COG6: variants seen among roughly 807,000 people sequenced by gnomAD.
COG6 encodes the protein conserved oligomeric Golgi complex subunit 6.
In COG6, 74 loss-of-function variants were observed where a neutral mutation model predicts 88.8. The observed-to-expected ratio is 0.83, with a 90% confidence interval of 0.69 to 1.01. The LOEUF is 1.01. Among genes scored for constraint, COG6 ranks in the 50% least tolerant of loss-of-function variants. COG6 has a pLI of 0.00. For missense variants in COG6, 800 were observed against 797.9 expected, an observed-to-expected ratio of 1.00 and a Z score of -0.03; for synonymous variants, 286 against 278.7, an observed-to-expected ratio of 1.03 and a Z score of -0.26.
intron 10 of COG6, among the ~76,000 whole-genome samples, chr13:39,688,593 A>G (rs191372331): frequency 5.0e-4 from 76 of 152,260 alleles, no homozygotes; most frequent in Admixed American, 5.0e-3. Flanking sequence ...CCATAGCCCA[A>G]ACATCTCCCA....
rs754093105 is a variant in COG6, at chr13:39,655,685, T to C, written c.-42T>C. The C allele has an allele frequency of 3.7e-5, 57 of 1,555,418 alleles. No homozygotes were observed. The highest frequency in any genetic ancestry group is 4.3e-5 in the Non-Finnish European group (49 of 1,150,392). ...ATACTCGCGCTGCCTCCGTGGTCCC[T>C]GCCTGGCTGAGGTGGCAGCAGGGGG... On this transcript the variant is annotated 5_prime_UTR_variant, in exon 1 of 19. Transcript: ENST00000455146.
intron 18 of COG6, among the ~76,000 whole-genome samples, chr13:39,775,343 T>C (rs1033396713): frequency 6.6e-6 from 1 of 152,232 alleles, no homozygotes; most frequent in Non-Finnish European, 1.5e-5. Flanking sequence ...ATGTTAGCTC[T>C]TCTTATTTTC....
chr13:39,776,511 G>A (rs1881467938), intron 18 of COG6, among the ~76,000 whole-genome samples: 1 of 152,150 alleles, frequency 6.6e-6, no homozygotes. Flanking sequence ...CCCCTTGCCT[G>A]GTAACGTTAA....
Position 39,765,556 on chromosome 13 carries a change from TTAAGCAAG to T in COG6, c.1827-22776_1827-22769del, listed in dbSNP as rs1431162184. 6.6e-5 allele frequency among the ~76,000 whole-genome samples: 10 copies of T among 152,346 alleles called. No homozygotes were observed. In the East Asian group the frequency reaches 1.9e-3, roughly 29 times the overall value. The stretch of plus-strand genomic sequence containing the variant: ...ATGGTACTCAATCACATTAACAAGT[TTAAGCAAG>T]TATGTCAGATTGATTTCCAGCTTTT... On this transcript the variant is annotated intron_variant, in intron 18 of 18. Coordinates refer to the COG6 transcript ENST00000416691.
rs764834569 is a variant in COG6 at position 39,689,749 on chromosome 13, A to C, written c.1010-11A>C. The C allele has an allele frequency of 1.3e-6, 2 of 1,587,742 alleles. No individual in the cohort carries two copies. The highest frequency in any genetic ancestry group is 8.6e-7 in the Non-Finnish European group (1 of 1,158,112). On this transcript the variant is annotated splice_polypyrimidine_tract_variant and intron_variant, in intron 10 of 18. Transcript: ENST00000455146. ...GGAAACAAATATTAATTATGTAGTC[A>C]TTAATTTTAGGTGTTGAAGAAAATA...
chr13:39,690,808 A>T (rs950716859), intron 11 of COG6, among the ~76,000 whole-genome samples: 4 of 151,864 alleles, frequency 2.6e-5, no homozygotes, highest in African/African-American at 9.7e-5. Flanking sequence ...ATAAATGGCT[A>T]AGTATCTTGA....
At chr13:39,737,581 G>A (rs142873004) in intron 18 of COG6, among the ~76,000 whole-genome samples, 7 of 150,800 alleles carry the variant, frequency 4.6e-5, no homozygotes, top group Non-Finnish European at 8.9e-5. Flanking sequence ...GAAGGAAGGA[G>A]TCTTACCCGG....
chr13:39,685,125 AT>A (rs1299276924), intron 8 of COG6, among the ~76,000 whole-genome samples: 2 of 151,878 alleles, frequency 1.3e-5, no homozygotes, highest in African/African-American at 4.8e-5. Flanking sequence ...TCTTCTTTTA[AT>A]TTGCTTTTTG....
intron 18 of COG6, among the ~76,000 whole-genome samples, chr13:39,770,419 A>G (rs921875575): frequency 1.3e-4 from 20 of 152,212 alleles, no homozygotes; most frequent in Non-Finnish European, 2.6e-4. Context: ...TCAAAGTTAC[A>G]TGTTATTTCT....
chr13:39,694,955 G>GCACGCA (rs1555277404), intron 12 of COG6, among the ~76,000 whole-genome samples: 122 of 142,646 alleles, frequency 8.6e-4, no homozygotes, highest in African/African-American at 3.1e-3. Context: ...TTAACTACAC[G>GCACGCA]CACACACACA....
intron 18 of COG6, among the ~76,000 whole-genome samples, chr13:39,759,521 T>C (rs980575037): frequency 6.6e-6 from 1 of 152,184 alleles, no homozygotes; most frequent in Non-Finnish European, 1.5e-5. Flanking sequence ...TTAAATATGC[T>C]GTTTAGAATA....
chr13:39,752,348 T>G lies in COG6; in HGVS notation c.*1255T>G, dbSNP rs1282104666. 1.2e-6 allele frequency: 1 copy of G among 862,238 alleles called. No individual in the cohort carries two copies. Among genetic ancestry groups the G allele is most frequent in the Non-Finnish European group, 1.6e-6 (1 of 628,192 alleles). The allele number at this position is 862,238 out of a possible 1,614,324, so 53.4% of individuals were successfully genotyped here. ...GAATATGACCTATTTATCTGAAGTT[T>G]ATAATTGTTTATACCTAATACAGTT... On this transcript the variant is annotated 3_prime_UTR_variant, in exon 19 of 19. Coordinates refer to ENST00000455146, the MANE Select transcript of COG6 (RefSeq NM_020751.3).
At chr13:39,788,809 T>G (rs929226586) in exon 19 of COG6, 2 of 155,202 alleles carry the variant, frequency 1.3e-5, no homozygotes, top group African/African-American at 4.8e-5. Flanking sequence ...TTATTAACTT[T>G]TTTCTCCACC....
intron 18 of COG6, among the ~76,000 whole-genome samples, chr13:39,760,694 T>G (rs1231052327): frequency 6.6e-6 from 1 of 152,122 alleles, no homozygotes; most frequent in Non-Finnish European, 1.5e-5. Context: ...AATCATTAGC[T>G]CTAGTGTTGC....
chr13:39,707,034 T>G (rs1278685202), intron 13 of COG6, among the ~76,000 whole-genome samples: 2 of 152,068 alleles, frequency 1.3e-5, no homozygotes, highest in African/African-American at 4.8e-5. Context: ...ACTTTGTCAC[T>G]TAGAAAATAT....
At chr13:39,712,828 C>G (rs769139353) in intron 13 of COG6, among the ~76,000 whole-genome samples, 18 of 152,128 alleles carry the variant, frequency 1.2e-4, no homozygotes, top group Non-Finnish European at 1.9e-4. Context: ...CTTACCTGCC[C>G]GAGCAAGTAC....
At chr13:39,675,134 C>G (rs1225967343) in intron 4 of COG6, among the ~76,000 whole-genome samples, 1 of 152,020 alleles carries the variant, frequency 6.6e-6, no homozygotes, top group African/African-American at 2.4e-5. Flanking sequence ...CAAACATAAT[C>G]TTAAATACGC....
intron 4 of COG6, among the ~76,000 whole-genome samples, chr13:39,673,939 C>A (rs1875804530): frequency 6.6e-6 from 1 of 151,460 alleles, no homozygotes; most frequent in South Asian, 2.1e-4. Context: ...AAGATTATCA[C>A]AATTTCTACT....
At chr13:39,762,784 A>T (rs1279272783) in intron 18 of COG6, among the ~76,000 whole-genome samples, 1 of 147,688 alleles carries the variant, frequency 6.8e-6, no homozygotes, top group African/African-American at 2.5e-5. Context: ...TTTTCTTTGA[A>T]GCCTATGTAC....
Sources: gnomAD v4.1 joint callset for allele counts (sites outside exome capture counted in the v4.1 genomes callset) on GRCh38, gnomAD v4.1.1 for gene constraint, MANE v1.5 for transcripts, NCBI Gene and HGNC (gene_info 2026-07-23, HGNC 2026-07-21) for gene names.